Variants in SERINC1 observed in about 807,000 individuals in gnomAD.
The protein encoded by SERINC1 is tumor differentially expressed protein 2.
SERINC1 carries 38 observed loss-of-function variants against 52.9 expected under a neutral mutation model. The observed-to-expected ratio is 0.72, with a 90% CI of 0.55 to 0.94. SERINC1 has a LOEUF of 0.94. Ranked by LOEUF, SERINC1 falls within the 40% of genes least tolerant of loss-of-function variation. SERINC1 has a pLI of 0.00. For missense variants in SERINC1, 471 were observed against 533.9 expected (o/e 0.88, Z 1.16); for synonymous variants, 198 against 183.1 (o/e 1.08, Z -0.66).
At chr6:122,460,752 C>T (rs1476611189) in intron 1 of SERINC1, among the ~76,000 whole-genome samples, 2 of 152,062 alleles carry the variant, frequency 1.3e-5, no homozygotes, top group East Asian at 3.9e-4. Flanking sequence ...ATCAATCAGT[C>T]AATATCAACC....
Position 122,458,519 on chromosome 6 carries a change from C to T in SERINC1, c.201+1G>A. 1.9e-6 allele frequency: 3 copies of T among 1,609,012 alleles called. No individual in the cohort carries two copies. The highest frequency in any genetic ancestry group is 4.5e-5 in the East Asian group (2 of 44,790). On this transcript the variant is annotated splice_donor_variant, in intron 2 of 9. Coordinates refer to ENST00000339697, the MANE Select transcript of SERINC1 (RefSeq NM_020755.4). LOFTEE classifies it high-confidence loss of function. ...ATCAATAAATAAGAAACGAGACTAA[C>T]CTTATTCAGTTGTTCTTCCATTCCT...
intron 5 of SERINC1, among the ~76,000 whole-genome samples, chr6:122,453,066 T>C (rs1397367854): frequency 6.6e-6 from 1 of 152,182 alleles, no homozygotes; most frequent in Middle Eastern, 3.2e-3. Context: ...AACTAATAAA[T>C]GGAGCTGAGC....
chr6:122,460,678 ACT>A (rs1262111504), intron 1 of SERINC1, among the ~76,000 whole-genome samples: 1 of 152,226 alleles, frequency 6.6e-6, no homozygotes, highest in African/African-American at 2.4e-5. Context: ...AAAAATTTAC[ACT>A]GGAAAGCTAA....
At chr6:122,464,193 C>G (rs773679866) in intron 1 of SERINC1, among the ~76,000 whole-genome samples, 4 of 151,976 alleles carry the variant, frequency 2.6e-5, no homozygotes, top group Admixed American at 6.6e-5. Flanking sequence ...GGTTACACGA[C>G]TAGAGATGCA....
At chr6:122,446,490 AT>A (rs1445593386) in intron 9 of SERINC1, among the ~76,000 whole-genome samples, 4 of 152,158 alleles carry the variant, frequency 2.6e-5, no homozygotes, top group South Asian at 2.1e-4. Flanking sequence ...GAAAAAAAAA[AT>A]GTTAGATCCA....
chr6:122,463,295 G>A (rs888620735), intron 1 of SERINC1, among the ~76,000 whole-genome samples: 2 of 152,076 alleles, frequency 1.3e-5, no homozygotes, highest in East Asian at 3.8e-4. Flanking sequence ...AACCATATAT[G>A]AGAATTAAGA....
chr6:122,458,655 C>T lies in SERINC1; in HGVS notation c.66G>A (p.Pro22=), dbSNP rs768967461. ...TAGGACAGCATCGGCATAGCAAACA[C>T]GGGGCACTTCCACACAAACATGGTA... is the stretch of plus-strand genomic sequence containing the variant. ...SWIPCLCGSA[P]CLLCRCCPSG... is the part of the protein sequence containing the mutation. The change falls in exon 2 of 10, where the codon CCG becomes CCA. Residue 22 remains proline (P), a synonymous_variant. Transcript: ENST00000339697. The T allele has an allele frequency of 2.9e-5, 47 of 1,603,782 alleles. No homozygotes were observed. The highest frequency in any genetic ancestry group is 3.7e-5 in the Non-Finnish European group (44 of 1,174,150).
chr6:122,460,247 A>AT (rs1470242946), intron 1 of SERINC1, among the ~76,000 whole-genome samples: 3 of 151,974 alleles, frequency 2.0e-5, no homozygotes, highest in Non-Finnish European at 2.9e-5. Flanking sequence ...TAATTTTTGT[A>AT]TTTTTTTGTA....
Position 122,456,651 on chromosome 6 carries a change from C to A in SERINC1, c.202-1G>T. On this transcript the variant is annotated splice_acceptor_variant, in intron 2 of 9. Transcript: ENST00000339697. LOFTEE classifies it high-confidence loss of function. ...TCTCATTCTCACAAAATCCAGGAATCTAGAAAAACAAAAGAGTTTATGATC... is the reference window on the plus strand; with the variant it reads ...TCTCATTCTCACAAAATCCAGGAATATAGAAAAACAAAAGAGTTTATGATC... The A allele has an allele frequency of 1.3e-6, 2 of 1,563,762 alleles. No homozygotes were observed. Among genetic ancestry groups the A allele is most frequent in the South Asian group, 1.2e-5 (1 of 80,916 alleles).
chr6:122,447,041 G>C (rs759899959), intron 8 of SERINC1, 37 bp from the exon 9 acceptor site: 2 of 1,575,346 alleles, frequency 1.3e-6, no homozygotes, highest in South Asian at 1.1e-5. Flanking sequence ...AGAAAAAAAA[G>C]AACATTTTTA....
chr6:122,470,241 A>C (rs1775257293), intron 1 of SERINC1, among the ~76,000 whole-genome samples: 1 of 152,142 alleles, frequency 6.6e-6, no homozygotes, highest in South Asian at 2.1e-4. Context: ...CTACCTTTTT[A>C]ATGTACTTCG....
intron 2 of SERINC1, among the ~76,000 whole-genome samples, chr6:122,457,087 T>A (rs1439349467): frequency 6.6e-6 from 1 of 152,176 alleles, no homozygotes; most frequent in Non-Finnish European, 1.5e-5. Flanking sequence ...AAACTGCTTT[T>A]CCAGGATACT....
chr6:122,454,011 C>A, intron 4 of SERINC1, 104 bp from the exon 5 acceptor site: 2 of 1,345,574 alleles, frequency 1.5e-6, no homozygotes, highest in Non-Finnish European at 2.0e-6. Context: ...TTTATATGAA[C>A]ATCTTGATTT....
Position 122,451,956 on chromosome 6 carries a change from C to T in SERINC1, c.691G>A (p.Ala231Thr), listed in dbSNP as rs138235986. ...THPASCSENK[A>T]FISVNMLLCV... is the part of the protein sequence containing the mutation. Reference sequence around the variant, plus strand: ...AGGAGCATGTTGACACTGATGAACGCCTTGTTTTCTGAACAACTGGCTGGA... The same window carrying T: ...AGGAGCATGTTGACACTGATGAACGTCTTGTTTTCTGAACAACTGGCTGGA... The change falls in exon 6 of 10, where the codon GCG (alanine) becomes ACG (threonine). Residue 231 changes from alanine to threonine, a missense_variant. Physicochemically the swap from Ala to Thr is moderately conservative, Grantham distance 58 (BLOSUM62 0). Transcript: ENST00000339697. 2.3e-4 allele frequency: 360 copies of T among 1,599,012 alleles called. 1 individual carries two copies. The African/African-American group carries it at 4.3e-3, about 19-fold the overall frequency.
intron 3 of SERINC1, among the ~76,000 whole-genome samples, chr6:122,455,204 G>A (rs1259337761): frequency 6.6e-6 from 1 of 152,120 alleles, no homozygotes; most frequent in East Asian, 1.9e-4. Flanking sequence ...GCAAAGTACT[G>A]ACTTGTAATG....
intron 1 of SERINC1, among the ~76,000 whole-genome samples, chr6:122,461,541 G>T (rs1775100243): frequency 6.6e-6 from 1 of 151,352 alleles, no homozygotes; most frequent in Non-Finnish European, 1.5e-5. Flanking sequence ...ATAGCATTGG[G>T]AGATATACCT....
At chr6:122,469,219 C>T (rs182733450) in intron 1 of SERINC1, among the ~76,000 whole-genome samples, 1 of 151,646 alleles carries the variant, frequency 6.6e-6, no homozygotes, top group African/African-American at 2.4e-5. Flanking sequence ...ACATTTTCTA[C>T]AATTATTTTA....
chr6:122,446,914 A>C lies in SERINC1; in HGVS notation c.1086T>G (p.Asp362Glu). ...TLIEDGGARS[D>E]GSLEDGDDVH... ...CATCGTCCCCATCCTCCAGTGATCC[A>C]TCACTTCTAGCTCCACCATCTTCTA... Residue 362 changes from aspartate to glutamate, a missense_variant, in exon 9 of 10, where the codon GAT (aspartate) becomes GAG (glutamate). Physicochemically the swap from Asp to Glu is conservative, Grantham distance 45. Coordinates refer to ENST00000339697, the MANE Select transcript of SERINC1 (RefSeq NM_020755.4). The C allele has an allele frequency of 5.0e-6, 8 of 1,613,560 alleles. No individual in the cohort carries two copies. Among genetic ancestry groups the C allele is most frequent in the Non-Finnish European group, 6.8e-6 (8 of 1,179,438 alleles).
chr6:122,469,933 A>T (rs765141440), intron 1 of SERINC1, among the ~76,000 whole-genome samples: 1 of 152,352 alleles, frequency 6.6e-6, no homozygotes, highest in South Asian at 2.1e-4. Flanking sequence ...ATTAACTGTT[A>T]AGAATGTGGA....
Sources: allele counts gnomAD v4.1 joint callset (sites outside exome capture counted in the v4.1 genomes callset), GRCh38; gene constraint gnomAD v4.1.1; transcripts MANE v1.5; gene names NCBI Gene and HGNC (gene_info 2026-07-23, HGNC 2026-07-21).